The following AIG1 variants were observed in gnomAD, a reference collection of about 807,000 sequenced individuals.
The protein encoded by AIG1 is androgen induced 1.
In AIG1, 23 loss-of-function variants were observed where a neutral mutation model predicts 31.4. The ratio of observed to expected loss-of-function variants is 0.73; its 90% CI spans 0.53 to 1.04. The LOEUF (loss-of-function observed/expected upper bound fraction) is 1.04, where lower values mean the gene tolerates loss of function less well. Among genes scored for constraint, AIG1 ranks in the 50% least tolerant of loss-of-function variants. The pLI is 0.00. For synonymous variants in AIG1, 100 were observed against 110.5 expected (o/e 0.90, Z 0.60); for missense variants, 274 against 295.0 (o/e 0.93, Z 0.52).
At position 143,297,111 on chromosome 6, in the gene AIG1, C is replaced by T. The variant is rs1032265782; in HGVS notation, c.515+12886C>T. On this transcript the variant is annotated intron_variant, in intron 4 of 5. Coordinates refer to ENST00000357847, the MANE Select transcript of AIG1 (RefSeq NM_016108.4). This position sits in a 1 kb window ranked among gnomAD's most constrained non-coding sequence, Gnocchi z 5.1. ...ATTTGCAAGAGGAAAATAGAGTCTA[C>T]GGAAGGTTCTCTAACCCAGACTTAG... Among the ~76,000 whole-genome samples, 7 of 152,096 alleles carry T rather than the reference C, an allele frequency of 4.6e-5. No homozygotes were observed. The highest frequency in any genetic ancestry group is 6.5e-5 in the Admixed American group (1 of 15,288).
intron 3 of AIG1, among the ~76,000 whole-genome samples, chr6:143,167,154 A>C (rs1258081351): frequency 6.6e-6 from 1 of 152,218 alleles, no homozygotes; most frequent in Non-Finnish European, 1.5e-5. Context: ...CCAAGAGCTG[A>C]GTTGTAAATG....
rs1797213886 is a variant in AIG1, at chr6:143,279,728, A to G, written c.400-4382A>G. 6.6e-6 allele frequency among the ~76,000 whole-genome samples: 1 copy of G among 152,190 alleles called. No homozygotes were observed. ...CAAGACCCCATTAAGAAAAGCACAA[A>G]TGATGCAATAAATCAGGATAGATTT... On this transcript the variant is annotated intron_variant, in intron 3 of 5. Transcript: ENST00000357847. This position sits in a 1 kb window ranked among gnomAD's most constrained non-coding sequence, Gnocchi z 5.4.
At chr6:143,092,019 A>G (rs1296017090) in intron 1 of AIG1, among the ~76,000 whole-genome samples, 3 of 152,186 alleles carry the variant, frequency 2.0e-5, no homozygotes, top group African/African-American at 7.2e-5. Flanking sequence ...AAAATGGTGA[A>G]TCCTTTCCAG....
At chr6:143,208,352 A>G (rs1791291675) in intron 3 of AIG1, among the ~76,000 whole-genome samples, 1 of 152,210 alleles carries the variant, frequency 6.6e-6, no homozygotes, top group Admixed American at 6.5e-5. Flanking sequence ...AATAAGAGCC[A>G]TGGGCCACTT....
intron 4 of AIG1, among the ~76,000 whole-genome samples, chr6:143,287,840 G>A (rs1438639700): frequency 6.6e-6 from 1 of 151,112 alleles, no homozygotes; most frequent in Non-Finnish European, 1.5e-5. Flanking sequence ...TCCTTTTCAA[G>A]GCTTGAGAAT....
chr6:143,202,304 T>G (rs1017491650), intron 3 of AIG1, among the ~76,000 whole-genome samples: 7 of 152,118 alleles, frequency 4.6e-5, no homozygotes, highest in Admixed American at 1.3e-4. Flanking sequence ...GGTAATTCCT[T>G]TTTTACTTCA....
chr6:143,112,717 A>T (rs552757680), intron 1 of AIG1, among the ~76,000 whole-genome samples: 1 of 152,292 alleles, frequency 6.6e-6, no homozygotes, highest in African/African-American at 2.4e-5. Flanking sequence ...ACGGACAAAT[A>T]ATCCTCAGAG....
chr6:143,140,992 G>A (rs1784197800), intron 2 of AIG1, among the ~76,000 whole-genome samples: 1 of 152,142 alleles, frequency 6.6e-6, no homozygotes, highest in South Asian at 2.1e-4. Flanking sequence ...GTGCTTCCCT[G>A]GCTATTATCT....
chr6:143,312,819 G>A (rs996882589), intron 4 of AIG1, among the ~76,000 whole-genome samples: 8 of 151,904 alleles, frequency 5.3e-5, no homozygotes, highest in Non-Finnish European at 7.4e-5. Flanking sequence ...GTCTAACAAC[G>A]GATTAATAAC....
chr6:143,105,902 G>A (rs890829838), intron 1 of AIG1, among the ~76,000 whole-genome samples: 2 of 152,214 alleles, frequency 1.3e-5, no homozygotes, highest in African/African-American at 4.8e-5. Context: ...TGGAAATGGT[G>A]GCTTTTCCAC....
intron 3 of AIG1, among the ~76,000 whole-genome samples, chr6:143,253,795 A>G (rs1795177084): frequency 6.6e-6 from 1 of 152,194 alleles, no homozygotes; most frequent in Non-Finnish European, 1.5e-5. Context: ...CACTCCAACA[A>G]CACTTAATCC....
intron 2 of AIG1, among the ~76,000 whole-genome samples, chr6:143,143,080 T>C (rs1375303846): frequency 6.6e-6 from 1 of 152,124 alleles, no homozygotes; most frequent in African/African-American, 2.4e-5. Flanking sequence ...ACCAGAAAAT[T>C]AATATTGATG....
chr6:143,301,780 G>C (rs977237225), intron 4 of AIG1, among the ~76,000 whole-genome samples: 3 of 152,102 alleles, frequency 2.0e-5, no homozygotes, highest in African/African-American at 7.2e-5. Flanking sequence ...GGTGAGATTT[G>C]GGTGGGAACA....
chr6:143,297,473 G>A lies in AIG1; in HGVS notation c.515+13248G>A, dbSNP rs1048222394. Among the ~76,000 whole-genome samples, 1 of 152,224 alleles carries A rather than the reference G, an allele frequency of 6.6e-6. No homozygotes were observed. Among genetic ancestry groups the A allele is most frequent in the East Asian group, 1.9e-4 (1 of 5,178 alleles). ...ATTTAGATGATTGGTTGGTTGGTTG[G>A]TTGGTTGGATGGTTTCTTGGGTGGT... is the stretch of plus-strand genomic sequence containing the variant. On this transcript the variant is annotated intron_variant, in intron 4 of 5. Transcript: ENST00000357847. This position sits in a 1 kb window ranked among gnomAD's most constrained non-coding sequence, Gnocchi z 5.1.
intron 3 of AIG1, among the ~76,000 whole-genome samples, chr6:143,202,164 C>T (rs559877211): frequency 5.9e-5 from 9 of 152,264 alleles, no homozygotes; most frequent in African/African-American, 1.7e-4. Context: ...TCCTACTGTG[C>T]CATTGATGTA....
chr6:143,146,490 C>T (rs1022787541), intron 2 of AIG1, among the ~76,000 whole-genome samples: 7 of 151,740 alleles, frequency 4.6e-5, no homozygotes, highest in East Asian at 1.9e-4. Context: ...CCCCTCTTTC[C>T]CTCTATCTCC....
intron 1 of AIG1, among the ~76,000 whole-genome samples, chr6:143,095,214 G>A (rs560792797): frequency 6.6e-6 from 1 of 152,108 alleles, no homozygotes; most frequent in East Asian, 1.9e-4. Flanking sequence ...GAGGTAAAGA[G>A]AATGGAACTT....
At chr6:143,109,226 A>G (rs988191394) in intron 1 of AIG1, among the ~76,000 whole-genome samples, 3 of 152,048 alleles carry the variant, frequency 2.0e-5, no homozygotes, top group African/African-American at 4.8e-5. Context: ...TTTCATTACT[A>G]TACAAGATTC....
At chr6:143,109,896 A>G (rs1299574821) in intron 1 of AIG1, among the ~76,000 whole-genome samples, 2 of 152,186 alleles carry the variant, frequency 1.3e-5, no homozygotes, top group African/African-American at 2.4e-5. Flanking sequence ...TAACTTATTA[A>G]TCCATTCTAT....
Sources: gnomAD v4.1 joint callset for allele counts (sites outside exome capture counted in the v4.1 genomes callset) on GRCh38, gnomAD v4.1.1 for gene constraint, Gnocchi (gnomAD v3.1) non-coding constraint, MANE v1.5 for transcripts, NCBI Gene and HGNC (gene_info 2026-07-23, HGNC 2026-07-21) for gene names.